Variants in CAMK2B observed in about 807,000 individuals in gnomAD.
CAMK2B encodes the protein calcium/calmodulin dependent protein kinase II beta, also known as calcium/calmodulin-dependent protein kinase type II subunit beta.
Under a neutral mutation model 93.7 loss-of-function variants are expected in CAMK2B, and 27 were observed. That is an observed-to-expected ratio of 0.29 (90% confidence interval 0.21 to 0.40). CAMK2B has a LOEUF of 0.40. Among genes scored for constraint, CAMK2B ranks in the 10% least tolerant of loss-of-function variants. The probability of loss-of-function intolerance (pLI) is 1.00; values close to 1 mark genes in which losing one functional copy is unlikely to be tolerated. For synonymous variants in CAMK2B, 374 were observed against 358.8 expected, an observed-to-expected ratio of 1.04 and a Z score of -0.48; for missense variants, 568 against 895.8, an observed-to-expected ratio of 0.63 and a Z score of 4.67.
chr7:44,293,459 G>T (rs1041943581), intron 1 of CAMK2B, among the ~76,000 whole-genome samples: 24 of 152,166 alleles, frequency 1.6e-4, no homozygotes, highest in African/African-American at 5.8e-4. Flanking sequence ...GCCAGATCGA[G>T]TTTGTACAGG....
intron 19 of CAMK2B, 95 bp from the exon 20 acceptor site, chr7:44,226,739 G>T (rs2096485242): frequency 1.3e-6 from 1 of 789,728 alleles, no homozygotes; most frequent in Admixed American, 4.4e-5. Flanking sequence ...AGATTGAGGG[G>T]CACAGAGGCA....
In CAMK2B at chr7:44,248,272, G is replaced by A. The variant is rs2096749711; in HGVS notation, c.342-1080C>T. 1.3e-5 allele frequency among the ~76,000 whole-genome samples: 2 copies of A among 152,128 alleles called. No individual in the cohort carries two copies. Among genetic ancestry groups the A allele is most frequent in the Admixed American group, 1.3e-4 (2 of 15,284 alleles). On this transcript the variant is annotated intron_variant, in intron 5 of 23. Transcript: ENST00000395749. The surrounding 1 kb of genome is among the most constrained non-coding windows in gnomAD (Gnocchi z 4.1). ...GCCCTTCCAGGCCATGACTGGCTGGGAGGAGAGGTCCAAGCTGCTCTCAGG... is the reference window on the plus strand; with the variant it reads ...GCCCTTCCAGGCCATGACTGGCTGGAAGGAGAGGTCCAAGCTGCTCTCAGG...
intron 1 of CAMK2B, among the ~76,000 whole-genome samples, chr7:44,297,861 C>A (rs930483685): frequency 6.6e-6 from 1 of 152,334 alleles, no homozygotes; most frequent in East Asian, 1.9e-4. Context: ...CAGTGCCTCA[C>A]GTCTGTAATC....
chr7:44,247,616 G>A (rs1302755613), intron 5 of CAMK2B, among the ~76,000 whole-genome samples: 2 of 151,668 alleles, frequency 1.3e-5, no homozygotes, highest in South Asian at 2.1e-4. Flanking sequence ...GGGTCAAGGC[G>A]GCTGGGGGTG....
chr7:44,269,072 G>A (rs953894877), intron 2 of CAMK2B, among the ~76,000 whole-genome samples: 2 of 152,218 alleles, frequency 1.3e-5, no homozygotes, highest in African/African-American at 4.8e-5. Flanking sequence ...AGAGAAGCCA[G>A]CTGAGGGCGA....
At chr7:44,272,729 G>A (rs1159358520) in intron 2 of CAMK2B, among the ~76,000 whole-genome samples, 1 of 152,244 alleles carries the variant, frequency 6.6e-6, no homozygotes, top group Non-Finnish European at 1.5e-5. Flanking sequence ...GCCCAGGCCA[G>A]GCCAGTGGCT....
intron 2 of CAMK2B, among the ~76,000 whole-genome samples, chr7:44,282,121 A>T (rs766010321): frequency 7.2e-5 from 11 of 152,134 alleles, no homozygotes; most frequent in Admixed American, 6.5e-5. Flanking sequence ...CCTCCTCTCC[A>T]TGGCACCCTG....
chr7:44,306,534 C>T (rs994751738), intron 1 of CAMK2B, among the ~76,000 whole-genome samples: 2 of 152,228 alleles, frequency 1.3e-5, no homozygotes, highest in Non-Finnish European at 2.9e-5. Context: ...CTGTAGCCCA[C>T]TGTGCCCATG....
intron 1 of CAMK2B, among the ~76,000 whole-genome samples, chr7:44,297,913 C>T (rs1788739536): frequency 6.6e-6 from 1 of 152,204 alleles, no homozygotes; most frequent in South Asian, 2.1e-4. Context: ...CACTTGAGGT[C>T]AGGAGTTCAA....
chr7:44,263,302 G>A lies in CAMK2B; in HGVS notation c.161-238C>T, dbSNP rs371557354. On this transcript the variant is annotated intron_variant, in intron 2 of 23. Transcript: ENST00000395749. Reference sequence around the variant, plus strand: ...GGAGAGGCCCATTCGGGTAGTGAGCGCTGCTAACTCGGGGCTAAAAGTTTC... The same window carrying A: ...GGAGAGGCCCATTCGGGTAGTGAGCACTGCTAACTCGGGGCTAAAAGTTTC... Among the ~76,000 whole-genome samples the A allele has an allele frequency of 2.8e-4, 43 of 152,356 alleles. No homozygotes were observed. The South Asian group carries it at 6.2e-3, about 22-fold the overall frequency.
At chr7:44,236,510 A>G (rs992420655) in intron 13 of CAMK2B, among the ~76,000 whole-genome samples, 2 of 152,202 alleles carry the variant, frequency 1.3e-5, no homozygotes, top group Non-Finnish European at 2.9e-5. Flanking sequence ...CACCTCCCTG[A>G]TGTCCCAAGG....
rs566497132 is a variant in CAMK2B, at chr7:44,286,757, G to T, written c.66-2532C>A. Among the ~76,000 whole-genome samples the T allele has an allele frequency of 1.3e-5, 2 of 152,358 alleles. No individual in the cohort carries two copies. The highest frequency in any genetic ancestry group is 4.1e-4 in the South Asian group (2 of 4,830). ...TAGGTCGGAGCAGTCAGCAATCGGG[G>T]AAGGCGGGGGCAGGGAACACAGGTA... is the stretch of plus-strand genomic sequence containing the variant. On this transcript the variant is annotated intron_variant, in intron 1 of 23. Coordinates refer to ENST00000395749, the MANE Select transcript of CAMK2B (RefSeq NM_001220.5). This position sits in a 1 kb window ranked among gnomAD's most constrained non-coding sequence, Gnocchi z 4.0.
chr7:44,242,694 G>A (rs770234591), intron 8 of CAMK2B, 40 bp from the exon 9 acceptor site: 2 of 1,437,730 alleles, frequency 1.4e-6, no homozygotes, highest in South Asian at 1.2e-5. Flanking sequence ...CACTTGCAGG[G>A]TGCCACCGTC....
intron 1 of CAMK2B, among the ~76,000 whole-genome samples, chr7:44,290,800 C>CT (rs1470027486): frequency 7.2e-5 from 11 of 152,026 alleles, no homozygotes; most frequent in African/African-American, 2.7e-4. Context: ...TGGGTTTTTT[C>CT]TTTTGTGTAT....
chr7:44,262,719 G>A (rs925245250), intron 3 of CAMK2B, among the ~76,000 whole-genome samples: 1 of 152,158 alleles, frequency 6.6e-6, no homozygotes, highest in Non-Finnish European at 1.5e-5. Context: ...AGGACAGAGT[G>A]GGATGGGAAA....
Position 44,240,671 on chromosome 7 carries a change from G to C in CAMK2B, c.946+36C>G. On this transcript the variant is annotated intron_variant, in intron 12 of 23. Transcript: ENST00000395749. Reference sequence around the variant, plus strand: ...TCTCCTGCGTGGGCCAGCAGGGAGGGGGCAGCGCCTGTCTCCCTGGAGAAG... The same window carrying C: ...TCTCCTGCGTGGGCCAGCAGGGAGGCGGCAGCGCCTGTCTCCCTGGAGAAG... The C allele has an allele frequency of 1.9e-6, 3 of 1,610,866 alleles. No homozygotes were observed. The Middle Eastern group carries it at 5.0e-4, about 270-fold the overall frequency.
At chr7:44,317,358 C>T (rs1314338122) in intron 1 of CAMK2B, among the ~76,000 whole-genome samples, 1 of 151,890 alleles carries the variant, frequency 6.6e-6, no homozygotes, top group Non-Finnish European at 1.5e-5. Context: ...CTGAGATGTG[C>T]CGTAAGGGTA....
chr7:44,225,928 G>A lies in CAMK2B; in HGVS notation c.1597+588C>T, dbSNP rs997024851. 4.9e-5 allele frequency: 62 copies of A among 1,276,722 alleles called. No homozygotes were observed. In the East Asian group the frequency reaches 7.9e-4, roughly 16 times the overall value. The allele number at this position is 1,276,722 out of a possible 1,614,324, so 79.1% of individuals were successfully genotyped here. A position where few individuals can be genotyped will look rare whatever the true frequency, so the allele number is the denominator to read the frequency against. The stretch of plus-strand genomic sequence containing the variant: ...ACTGCGGGTAGTCGGCAGACAGACC[G>A]GGAGGTGGCCCAGCCTGGCTCCTCC... On this transcript the variant is annotated intron_variant, in intron 20 of 23. Transcript: ENST00000395749. The surrounding 1 kb of genome is among the most constrained non-coding windows in gnomAD (Gnocchi z 5.0).
intron 1 of CAMK2B, among the ~76,000 whole-genome samples, chr7:44,320,617 C>G (rs1795842265): frequency 6.6e-6 from 1 of 152,230 alleles, no homozygotes; most frequent in Non-Finnish European, 1.5e-5. Context: ...CAGATATATT[C>G]TTAGCTCTCA....
Sources: allele counts gnomAD v4.1 joint callset (sites outside exome capture counted in the v4.1 genomes callset), GRCh38; gene constraint gnomAD v4.1.1; non-coding constraint Gnocchi (gnomAD v3.1); transcripts MANE v1.5; gene names NCBI Gene and HGNC (gene_info 2026-07-23, HGNC 2026-07-21).